The following ATRN variants were observed in gnomAD, a reference collection of about 807,000 sequenced individuals.
ATRN encodes the protein attractin-2.
A neutral mutation model predicts 178.7 loss-of-function variants in ATRN; 54 were observed. That is an observed-to-expected ratio of 0.30 (90% confidence interval 0.24 to 0.38). The LOEUF is 0.38. Ranked by LOEUF, ATRN falls within the 10% of genes least tolerant of loss-of-function variation. The pLI is 1.00. For synonymous variants in ATRN, 636 were observed against 663.0 expected (o/e 0.96, Z 0.63); for missense variants, 1,443 against 1,815.1 (o/e 0.79, Z 3.73).
chr20:3,578,282 T>G (rs1162734266), intron 14 of ATRN, among the ~76,000 whole-genome samples: 2 of 152,242 alleles, frequency 1.3e-5, no homozygotes, highest in African/African-American at 4.8e-5. Flanking sequence ...CTAATTGTTC[T>G]TCAGAAGGAA....
chr20:3,559,650 CTT>C (rs1332947658), intron 7 of ATRN, among the ~76,000 whole-genome samples, 167 bp downstream of exon 7: 3 of 152,074 alleles, frequency 2.0e-5, no homozygotes, highest in African/African-American at 7.2e-5. Flanking sequence ...AAAATGGAAA[CTT>C]TTTTAACTCA....
intron 6 of ATRN, among the ~76,000 whole-genome samples, chr20:3,554,683 G>A (rs139266731): frequency 6.6e-6 from 1 of 152,054 alleles, no homozygotes; most frequent in East Asian, 1.9e-4. Flanking sequence ...AGTATTTTAG[G>A]AATTGCTCTT....
At chr20:3,558,281 CAT>C (rs1421686602) in intron 6 of ATRN, among the ~76,000 whole-genome samples, 11 of 152,060 alleles carry the variant, frequency 7.2e-5, no homozygotes, top group African/African-American at 2.2e-4. Flanking sequence ...TTTATGTTGA[CAT>C]ATGTTGCTGG....
At chr20:3,482,337 G>C (rs1425341968) in intron 1 of ATRN, among the ~76,000 whole-genome samples, 2 of 151,380 alleles carry the variant, frequency 1.3e-5, no homozygotes, top group African/African-American at 4.8e-5. Context: ...ATTTAACTGT[G>C]TTTTGTGCTA....
intron 24 of ATRN, among the ~76,000 whole-genome samples, chr20:3,606,031 T>A (rs2086672417): frequency 1.3e-5 from 2 of 152,228 alleles, no homozygotes; most frequent in Admixed American, 1.3e-4. Context: ...GTAGTTTTTC[T>A]CACCACCCTC....
chr20:3,594,875 T>C (rs2086502895), intron 20 of ATRN, among the ~76,000 whole-genome samples: 1 of 152,196 alleles, frequency 6.6e-6, no homozygotes, highest in African/African-American at 2.4e-5. Flanking sequence ...AACTACTTGA[T>C]TTTTGTCATG....
At chr20:3,611,280 A>G (rs187701781) in intron 24 of ATRN, among the ~76,000 whole-genome samples, 2 of 152,322 alleles carry the variant, frequency 1.3e-5, no homozygotes, top group African/African-American at 2.4e-5. Context: ...ATATTTGCAA[A>G]CCATATTTCT....
rs1179487489 is a variant in ATRN at position 3,584,576 on chromosome 20, TAAA to T, written c.2951-64_2951-62del. On this transcript the variant is annotated intron_variant, in intron 17 of 28. Transcript: ENST00000262919. ...GACTCAAGCCAGTTGAATAGTCTGT[TAAA>T]AAAAAAGTAAATACAGTGAATTCAG... is the stretch of plus-strand genomic sequence containing the variant. The T allele has an allele frequency of 2.0e-5, 22 of 1,109,550 alleles. No homozygotes were observed. The Admixed American group carries it at 4.5e-4, about 23-fold the overall frequency. 68.7% of individuals were successfully genotyped at this position (1,109,550 alleles called of 1,614,324 possible).
intron 2 of ATRN, 31 bp from the exon 3 acceptor site, chr20:3,540,191 T>A (rs766565184): frequency 7.7e-7 from 1 of 1,296,050 alleles, no homozygotes; most frequent in Admixed American, 2.1e-5. Flanking sequence ...GTGATAACTT[T>A]ATTATAAATT....
intron 15 of ATRN, among the ~76,000 whole-genome samples, chr20:3,579,607 G>C (rs2086256411): frequency 1.3e-5 from 2 of 152,182 alleles, no homozygotes; most frequent in Admixed American, 6.5e-5. Flanking sequence ...AAAGGCTCAA[G>C]TTCTCTGCTT....
At chr20:3,550,689 A>G (rs752018110) in intron 6 of ATRN, among the ~76,000 whole-genome samples, 1 of 152,166 alleles carries the variant, frequency 6.6e-6, no homozygotes, top group Non-Finnish European at 1.5e-5. Context: ...CATGTTTTTC[A>G]TCAGAAGAGC....
At chr20:3,582,602 A>G (rs2086296402) in intron 16 of ATRN, among the ~76,000 whole-genome samples, 1 of 152,242 alleles carries the variant, frequency 6.6e-6, no homozygotes. Flanking sequence ...ATTCTAATTA[A>G]CAATGAGATT....
At chr20:3,500,162 A>G (rs866980562) in intron 1 of ATRN, among the ~76,000 whole-genome samples, 11 of 152,314 alleles carry the variant, frequency 7.2e-5, no homozygotes, top group Middle Eastern at 3.4e-3. Context: ...TAGAATGGCA[A>G]TCATTCAAAA....
rs1302600216 is a variant in ATRN at position 3,576,050 on chromosome 20, A to G, written c.2214+102A>G. 6.9e-6 allele frequency: 9 copies of G among 1,304,856 alleles called. No homozygotes were observed. In the East Asian group the frequency reaches 2.4e-4, roughly 34 times the overall value. The allele number at this position is 1,304,856 out of a possible 1,614,324, so 80.8% of individuals were successfully genotyped here. A position where few individuals can be genotyped will look rare whatever the true frequency, so the allele number is the denominator to read the frequency against. On this transcript the variant is annotated intron_variant, in intron 13 of 28. Transcript: ENST00000262919. ...AAATAATGGCCCAGAGTTACTTTTC[A>G]AATGGGTTTCTATTTGGATTTTATT...
At chr20:3,606,470 A>G (rs1251758429) in intron 24 of ATRN, among the ~76,000 whole-genome samples, 2 of 152,030 alleles carry the variant, frequency 1.3e-5, no homozygotes, top group East Asian at 1.9e-4. Context: ...GTGGTGCCAC[A>G]TCTATTCTGG....
intron 1 of ATRN, among the ~76,000 whole-genome samples, chr20:3,498,293 G>A (rs561531675): frequency 1.3e-4 from 20 of 152,230 alleles, no homozygotes; most frequent in African/African-American, 3.6e-4. Flanking sequence ...AACTATTCCA[G>A]TCAATAGAAA....
intron 13 of ATRN, among the ~76,000 whole-genome samples, 172 bp from the exon 14 acceptor site, chr20:3,576,687 G>GTCTATCTA (rs1163234122): frequency 1.5e-3 from 130 of 87,870 alleles, no homozygotes; most frequent in African/African-American, 5.1e-3. Flanking sequence ...CTATCTGTCT[G>GTCTATCTA]TCTGTCTGTC....
chr20:3,614,144 G>A (rs1035655437), intron 24 of ATRN, among the ~76,000 whole-genome samples: 10 of 152,160 alleles, frequency 6.6e-5, no homozygotes, highest in East Asian at 5.8e-4. Context: ...GGAGGGTGGC[G>A]GGTGTGTTGG....
chr20:3,588,038 G>A (rs1380395158), intron 18 of ATRN, among the ~76,000 whole-genome samples: 1 of 152,050 alleles, frequency 6.6e-6, no homozygotes, highest in Non-Finnish European at 1.5e-5. Context: ...TTAGAGACAG[G>A]GTTTCGCCAT....
Sources: allele counts gnomAD v4.1 joint callset (sites outside exome capture counted in the v4.1 genomes callset), GRCh38; gene constraint gnomAD v4.1.1; transcripts MANE v1.5; gene names NCBI Gene and HGNC (gene_info 2026-07-23, HGNC 2026-07-21).